Variants in MARCHF1 observed in about 807,000 individuals in gnomAD.
MARCHF1 encodes the protein E3 ubiquitin-protein ligase MARCHF1.
Under a neutral mutation model 54.2 loss-of-function variants are expected in MARCHF1, and 40 were observed. The ratio of observed to expected loss-of-function variants is 0.74; its 90% CI spans 0.57 to 0.96. The LOEUF (loss-of-function observed/expected upper bound fraction) is 0.96, where lower values mean the gene tolerates loss of function less well. Among genes scored for constraint, MARCHF1 ranks in the 40% least tolerant of loss-of-function variants. The pLI is 0.00. For synonymous variants in MARCHF1, 236 were observed against 236.3 expected, an observed-to-expected ratio of 1.00 and a Z score of 0.01; for missense variants, 586 against 656.5, an observed-to-expected ratio of 0.89 and a Z score of 1.17.
At chr4:164,213,815 T>G (rs1731849343) in intron 1 of MARCHF1, among the ~76,000 whole-genome samples, 1 of 151,982 alleles carries the variant, frequency 6.6e-6, no homozygotes, top group South Asian at 2.1e-4. Context: ...AAAAATCTTA[T>G]TAATTAAAAT....
chr4:163,843,000 C>G (rs963909429), intron 4 of MARCHF1, among the ~76,000 whole-genome samples: 1 of 152,032 alleles, frequency 6.6e-6, no homozygotes, highest in African/African-American at 2.4e-5. Flanking sequence ...AGTTTTTCAA[C>G]CTATGTCCCC....
chr4:163,690,700 C>G (rs544917778), intron 5 of MARCHF1, among the ~76,000 whole-genome samples: 3 of 152,172 alleles, frequency 2.0e-5, no homozygotes, highest in Non-Finnish European at 4.4e-5. Flanking sequence ...ATTTCATACT[C>G]TCCTCTCCCT....
intron 3 of MARCHF1, among the ~76,000 whole-genome samples, chr4:163,971,806 A>G (rs1218977871): frequency 6.6e-6 from 1 of 152,238 alleles, no homozygotes; most frequent in African/African-American, 2.4e-5. Context: ...GGGTTAGATG[A>G]GAAGACTCAG....
chr4:163,872,497 G>A lies in MARCHF1; in HGVS notation c.-38-18328C>T, dbSNP rs139630394. ...ATCTTTTCTACAATAAATAAGTGGT[G>A]TGGTAGTAACTTCTTTTGTTTTGGA... On this transcript the variant is annotated intron_variant, in intron 3 of 9. Transcript: ENST00000514618. Among the ~76,000 whole-genome samples, 429 of 152,308 alleles carry A rather than the reference G, an allele frequency of 2.8e-3. 1 individual carries two copies. The highest frequency in any genetic ancestry group is 9.1e-3 in the African/African-American group (377 of 41,564).
intron 2 of MARCHF1, among the ~76,000 whole-genome samples, chr4:164,025,806 A>G (rs1171240473): frequency 1.3e-5 from 2 of 152,034 alleles, no homozygotes; most frequent in Non-Finnish European, 2.9e-5. Context: ...TCTCAAAAGA[A>G]TAAGAAAGAT....
At chr4:163,642,626 G>C (rs1439819130) in intron 5 of MARCHF1, among the ~76,000 whole-genome samples, 1 of 152,036 alleles carries the variant, frequency 6.6e-6, no homozygotes, top group Non-Finnish European at 1.5e-5. Flanking sequence ...ATTGTTTTGT[G>C]TGTTCTAAAA....
At chr4:164,092,950 C>A (rs1460298589) in intron 2 of MARCHF1, among the ~76,000 whole-genome samples, 1 of 152,056 alleles carries the variant, frequency 6.6e-6, no homozygotes, top group Non-Finnish European at 1.5e-5. Flanking sequence ...GAATAGAAGA[C>A]CACAGAATTT....
At position 163,815,891 on chromosome 4, in the gene MARCHF1, C is replaced by T. The variant is rs116005459; in HGVS notation, c.111+38130G>A. ...ACCAAATGAACATAAAAATAGCATA[C>T]ATCTTTTTCAATAATCTTAACTTCT... On this transcript the variant is annotated intron_variant, in intron 4 of 9. Coordinates refer to ENST00000514618, the MANE Select transcript of MARCHF1 (RefSeq NM_001394959.1). Among the ~76,000 whole-genome samples the T allele has an allele frequency of 8.8e-3, 1,342 of 152,248 alleles. 27 individuals are homozygous for T. The highest frequency in any genetic ancestry group is 0.031 in the African/African-American group (1,270 of 41,548).
intron 1 of MARCHF1, among the ~76,000 whole-genome samples, chr4:164,287,172 A>G (rs979965281): frequency 2.0e-5 from 3 of 150,108 alleles, no homozygotes; most frequent in African/African-American, 4.9e-5. Flanking sequence ...TATATAATAA[A>G]TGAAGTCTGA....
At chr4:163,796,945 C>A (rs1021002869) in intron 4 of MARCHF1, among the ~76,000 whole-genome samples, 3 of 152,110 alleles carry the variant, frequency 2.0e-5, no homozygotes, top group Non-Finnish European at 4.4e-5. Flanking sequence ...CTTAACCCCA[C>A]AAAATAAGTA....
At chr4:164,276,932 T>TTATATATATATATATA (rs1279487239) in intron 1 of MARCHF1, among the ~76,000 whole-genome samples, 2 of 75,978 alleles carry the variant, frequency 2.6e-5, no homozygotes, top group Admixed American at 1.5e-4. Context: ...ATGTCTCATA[T>TTATATATATATATATA]TCTATATATA....
chr4:164,355,559 C>T (rs1730499293), intron 1 of MARCHF1, among the ~76,000 whole-genome samples: 1 of 91,024 alleles, frequency 1.1e-5, no homozygotes, highest in Non-Finnish European at 2.3e-5. Context: ...ACTGGCTAGC[C>T]ATATGTAGAA....
intron 1 of MARCHF1, among the ~76,000 whole-genome samples, chr4:164,129,205 T>C (rs188236003): frequency 2.6e-5 from 4 of 152,316 alleles, no homozygotes; most frequent in Non-Finnish European, 4.4e-5. Context: ...TCTCCTGTTG[T>C]AGAATAATGA....
chr4:163,906,349 C>G (rs1751066423), intron 3 of MARCHF1, among the ~76,000 whole-genome samples: 1 of 151,892 alleles, frequency 6.6e-6, no homozygotes, highest in African/African-American at 2.4e-5. Context: ...TTGGAATTCA[C>G]CTTGAGGATG....
Position 164,187,495 on chromosome 4 carries a change from A to G in MARCHF1, c.-322-75833T>C, listed in dbSNP as rs535446216. ...CCCAGGCTTCCTCCACATCGCCCCC[A>G]TAGGACCTGGGGGGATGGGGATTTG... On this transcript the variant is annotated intron_variant, in intron 1 of 9. Transcript: ENST00000514618. 5.9e-5 allele frequency among the ~76,000 whole-genome samples: 9 copies of G among 152,160 alleles called. No individual in the cohort carries two copies. The South Asian group carries it at 1.9e-3, about 32-fold the overall frequency.
At chr4:163,884,197 TGA>T (rs1187218726) in intron 3 of MARCHF1, among the ~76,000 whole-genome samples, 1 of 152,108 alleles carries the variant, frequency 6.6e-6, no homozygotes, top group Non-Finnish European at 1.5e-5. Context: ...AGTGGCCTTC[TGA>T]GAGACCACCC....
intron 2 of MARCHF1, among the ~76,000 whole-genome samples, chr4:164,108,772 C>T (rs750153580): frequency 3.3e-4 from 50 of 152,094 alleles, no homozygotes; most frequent in Middle Eastern, 3.4e-3. Flanking sequence ...AGAGTTATTT[C>T]TAAGCTAAAA....
At chr4:163,801,288 G>GA (rs754373091) in intron 4 of MARCHF1, among the ~76,000 whole-genome samples, 1 of 151,572 alleles carries the variant, frequency 6.6e-6, no homozygotes, top group East Asian at 1.9e-4. Flanking sequence ...TTTAGTCATA[G>GA]AAAATCCATA....
intron 1 of MARCHF1, among the ~76,000 whole-genome samples, chr4:164,169,675 A>G (rs1235628960): frequency 6.6e-6 from 1 of 152,126 alleles, no homozygotes; most frequent in Non-Finnish European, 1.5e-5. Flanking sequence ...AGCTTTCAAC[A>G]TATTAAAAGC....
Sources: allele counts gnomAD v4.1 joint callset (sites outside exome capture counted in the v4.1 genomes callset), GRCh38; gene constraint gnomAD v4.1.1; transcripts MANE v1.5; gene names NCBI Gene and HGNC (gene_info 2026-07-23, HGNC 2026-07-21).